Variants in INTS8 observed in about 807,000 individuals in gnomAD.
The protein encoded by INTS8 is protein kaonashi-1.
In INTS8, 47 loss-of-function variants were observed where a neutral mutation model predicts 138.9. The ratio of observed to expected loss-of-function variants is 0.34; its 90% CI spans 0.27 to 0.43. INTS8 has a LOEUF of 0.43. Among genes scored for constraint, INTS8 ranks in the 20% least tolerant of loss-of-function variants. The pLI, the probability that INTS8 is intolerant of heterozygous loss-of-function variation, is 1.00. For synonymous variants in INTS8, 392 were observed against 400.9 expected (o/e 0.98, Z 0.27); for missense variants, 996 against 1,173.0 (o/e 0.85, Z 2.20).
rs573863418 is a variant in INTS8, at chr8:94,868,259, C to G, written c.2414+922C>G. 1.7e-4 allele frequency among the ~76,000 whole-genome samples: 26 copies of G among 152,290 alleles called. No individual in the cohort carries two copies. The South Asian group carries it at 5.4e-3, about 32-fold the overall frequency. ...GTAGGGGAATCAACTTGTTTCCTCACAGATGTTTTTCCTCCCTGCCCTCCC... is the reference window on the plus strand; with the variant it reads ...GTAGGGGAATCAACTTGTTTCCTCAGAGATGTTTTTCCTCCCTGCCCTCCC... On this transcript the variant is annotated intron_variant, in intron 20 of 26. Coordinates refer to ENST00000523731, the MANE Select transcript of INTS8 (RefSeq NM_017864.4).
At chr8:94,841,944 C>G (rs947517349) in intron 9 of INTS8, among the ~76,000 whole-genome samples, 2 of 152,028 alleles carry the variant, frequency 1.3e-5, no homozygotes, top group African/African-American at 2.4e-5. Context: ...TGGTGCACAC[C>G]TGTAGTCCCA....
intron 16 of INTS8, among the ~76,000 whole-genome samples, chr8:94,862,874 CGT>C (rs139971001): frequency 0.034 from 5,118 of 152,032 alleles, 89 homozygotes; most frequent in Non-Finnish European, 0.04. Flanking sequence ...CACGCACACA[CGT>C]GTAGGAAAAA....
intron 2 of INTS8, 97 bp from the exon 3 acceptor site, chr8:94,827,166 A>G (rs1814540411): frequency 3.7e-6 from 4 of 1,073,032 alleles, no homozygotes; most frequent in Admixed American, 1.9e-5. Flanking sequence ...TGGTTCCTTA[A>G]CAATGTAGGT....
intron 9 of INTS8, 95 bp from the exon 10 acceptor site, chr8:94,842,251 GA>G: frequency 1.4e-6 from 1 of 730,758 alleles, no homozygotes. Context: ...TACCTCTTAA[GA>G]ATAAATGGCT....
chr8:94,858,013 A>G (rs1027189229), intron 15 of INTS8, among the ~76,000 whole-genome samples: 2 of 152,222 alleles, frequency 1.3e-5, no homozygotes, highest in Non-Finnish European at 2.9e-5. Context: ...CTAGAAATTC[A>G]CTTGTGGCTA....
At chr8:94,825,427 GAAAAA>G (rs59690454) in intron 2 of INTS8, among the ~76,000 whole-genome samples, 3 of 143,356 alleles carry the variant, frequency 2.1e-5, no homozygotes, top group African/African-American at 5.2e-5. Flanking sequence ...GTAAGACTCG[GAAAAA>G]AAAAAAAAAT....
chr8:94,848,013 C>CTTTTTTTTTTTTTTTTTTTTTTTT lies in INTS8; in HGVS notation c.1261-1436_1261-1435insTTTTTTTTTTTTTTTTTTTTTTTT, dbSNP rs58388097. 4.3e-4 allele frequency among the ~76,000 whole-genome samples: 56 copies of CTTTTTTTTTTTTTTTTTTTTTTTT among 130,000 alleles called. 4 individuals are homozygous for CTTTTTTTTTTTTTTTTTTTTTTTT. Among genetic ancestry groups the CTTTTTTTTTTTTTTTTTTTTTTTT allele is most frequent in the Non-Finnish European group, 6.0e-4 (36 of 60,436 alleles). 85.3% of individuals were successfully genotyped at this position (130,000 alleles called of 152,430 possible). On this transcript the variant is annotated intron_variant, in intron 10 of 26. Transcript: ENST00000523731. ...TGAACATAGCACTTTTAAAACACTGCTTTTTTTTTTTTTGAGATGGAGTCT... is the reference window on the plus strand; with the variant it reads ...TGAACATAGCACTTTTAAAACACTGCTTTTTTTTTTTTTTTTTTTTTTTTTTTTTTTTTTTTTGAGATGGAGTCT...
At chr8:94,831,946 A>G (rs767411130) in intron 5 of INTS8, 46 bp from the exon 6 acceptor site, 5 of 1,468,658 alleles carry the variant, frequency 3.4e-6, no homozygotes, top group Non-Finnish European at 4.6e-6. Context: ...GGTTATTATA[A>G]TCAGTTGCTA....
chr8:94,850,088 C>T lies in INTS8; in HGVS notation c.1504C>T (p.Pro502Ser), dbSNP rs745859842. 2 of 1,587,774 alleles carry T rather than the reference C, an allele frequency of 1.3e-6. No homozygotes were observed. The highest frequency in any genetic ancestry group is 2.3e-5 in the South Asian group (2 of 85,868). The change falls in exon 12 of 27, where the codon CCA becomes TCA. Residue 502 changes from proline (P) to serine (S), a missense_variant. By Grantham distance (74) the Pro-to-Ser change is moderately conservative. Transcript: ENST00000523731. ...IKPVTSFYDI[P>S]ASASVNIGQL... ...ACCTGTAACTTCATTTTATGATATC[C>T]CAGGTTAGCTCTCTAGTCGGCCAGC... is the stretch of plus-strand genomic sequence containing the variant.
At chr8:94,829,586 T>G (rs1011770592) in intron 5 of INTS8, among the ~76,000 whole-genome samples, 3 of 152,192 alleles carry the variant, frequency 2.0e-5, no homozygotes, top group African/African-American at 7.2e-5. Context: ...GTCCATGGCC[T>G]GGGGGTTGGG....
intron 14 of INTS8, 34 bp downstream of exon 14, chr8:94,853,949 A>T (rs141657251): frequency 2.3e-6 from 3 of 1,281,294 alleles, no homozygotes; most frequent in African/African-American, 1.5e-5. Flanking sequence ...ACTTGTTAAG[A>T]ATATGCTTTA....
intron 10 of INTS8, among the ~76,000 whole-genome samples, chr8:94,843,288 C>T (rs1338721675): frequency 3.3e-5 from 5 of 152,076 alleles, no homozygotes; most frequent in Non-Finnish European, 5.9e-5. Context: ...GTGTTAGAGC[C>T]TGGGTGCAGT....
At chr8:94,830,501 A>G (rs1258429794) in intron 5 of INTS8, among the ~76,000 whole-genome samples, 2 of 152,134 alleles carry the variant, frequency 1.3e-5, no homozygotes, top group African/African-American at 4.8e-5. Flanking sequence ...GGAACAGTGC[A>G]AATTTTTTCT....
At chr8:94,852,608 G>A (rs1340492752) in intron 13 of INTS8, among the ~76,000 whole-genome samples, 3 of 150,304 alleles carry the variant, frequency 2.0e-5, no homozygotes, top group Non-Finnish European at 4.4e-5. Flanking sequence ...TTTTTTTTGA[G>A]ACTGAGTTTC....
At chr8:94,831,082 C>T (rs1814695837) in intron 5 of INTS8, among the ~76,000 whole-genome samples, 1 of 152,016 alleles carries the variant, frequency 6.6e-6, no homozygotes, top group African/African-American at 2.4e-5. Flanking sequence ...AGGTGTGAGC[C>T]ACCGTGCCTG....
intron 22 of INTS8, 69 bp downstream of exon 22, chr8:94,873,546 G>A (rs532888865): frequency 1.0e-6 from 1 of 962,832 alleles, no homozygotes; most frequent in Admixed American, 1.8e-5. Flanking sequence ...TCCCCTTTTG[G>A]CTGAACTTAC....
At chr8:94,877,573 A>G (rs1816607131) in intron 26 of INTS8, among the ~76,000 whole-genome samples, 1 of 152,022 alleles carries the variant, frequency 6.6e-6, no homozygotes, top group South Asian at 2.1e-4. Context: ...TTCATACCTT[A>G]CTTCCTTACT....
At chr8:94,864,658 A>G (rs1162980920) in intron 16 of INTS8, 4 of 152,286 alleles carry the variant, frequency 2.6e-5, no homozygotes, top group Admixed American at 2.6e-4. Flanking sequence ...CAGTGAGCCA[A>G]GATTATACCA....
chr8:94,832,061 G>T lies in INTS8; in HGVS notation c.640G>T (p.Val214Phe). 1 of 1,613,624 alleles carries T rather than the reference G, an allele frequency of 6.2e-7. No homozygotes were observed. The highest frequency in any genetic ancestry group is 8.5e-7 in the Non-Finnish European group (1 of 1,179,790). Residue 214 changes from valine to phenylalanine, a missense_variant, in exon 6 of 27, where the codon GTC becomes TTC. Transcript: ENST00000523731. Reference sequence around the variant, plus strand: ...CCTAAAATTAAACAAGGATCTTTATGTCCATACGATGAGAACTCTAGATTT... The same window carrying T: ...CCTAAAATTAAACAAGGATCTTTATTTCCATACGATGAGAACTCTAGATTT... ...AALKLNKDLY[V>F]HTMRTLDLLA...
Sources: gnomAD v4.1 joint callset for allele counts (sites outside exome capture counted in the v4.1 genomes callset) on GRCh38, gnomAD v4.1.1 for gene constraint, MANE v1.5 for transcripts, NCBI Gene and HGNC (gene_info 2026-07-23, HGNC 2026-07-21) for gene names.